SLC35F4: variants seen among roughly 807,000 people sequenced by gnomAD.
SLC35F4 encodes the protein solute carrier family 35 member F4.
SLC35F4 carries 24 observed loss-of-function variants against 44.2 expected under a neutral mutation model. The observed-to-expected ratio is 0.54, with a 90% CI of 0.39 to 0.76. The LOEUF (loss-of-function observed/expected upper bound fraction) is 0.76, where lower values mean the gene tolerates loss of function less well. Among genes scored for constraint, SLC35F4 ranks in the 30% least tolerant of loss-of-function variants. SLC35F4 has a pLI of 0.00. For missense variants in SLC35F4, 562 were observed against 586.1 expected (o/e 0.96, Z 0.42); for synonymous variants, 238 against 223.6 (o/e 1.06, Z -0.57).
chr14:57,655,135 T>A (rs1302253755), intron 1 of SLC35F4, among the ~76,000 whole-genome samples: 1 of 152,164 alleles, frequency 6.6e-6, no homozygotes, highest in East Asian at 1.9e-4. Context: ...ACCACTCTAC[T>A]TAGAACTGAG....
chr14:57,718,593 A>G (rs1014004564), intron 1 of SLC35F4, among the ~76,000 whole-genome samples: 3 of 152,198 alleles, frequency 2.0e-5, no homozygotes, highest in Non-Finnish European at 4.4e-5. Context: ...CTGATGATCA[A>G]TAATGTTGAG....
intron 1 of SLC35F4, among the ~76,000 whole-genome samples, chr14:57,603,489 A>G (rs1259354162): frequency 6.6e-6 from 1 of 152,212 alleles, no homozygotes; most frequent in Non-Finnish European, 1.5e-5. Flanking sequence ...AGGAAGCTAA[A>G]TAATTCTGCT....
chr14:57,776,828 C>A (rs1210861424), intron 1 of SLC35F4, among the ~76,000 whole-genome samples: 1 of 151,998 alleles, frequency 6.6e-6, no homozygotes, highest in African/African-American at 2.4e-5. Context: ...AAATTCCAAC[C>A]AAGGATTTCA....
At chr14:57,637,312 C>T (rs1047549744) in intron 1 of SLC35F4, among the ~76,000 whole-genome samples, 1 of 152,076 alleles carries the variant, frequency 6.6e-6, no homozygotes, top group African/African-American at 2.4e-5. Context: ...TACAATTGAA[C>T]TCCTCCTCCT....
chr14:57,622,860 C>A (rs62003017), intron 1 of SLC35F4, among the ~76,000 whole-genome samples: 1 of 151,380 alleles, frequency 6.6e-6, no homozygotes, highest in South Asian at 2.1e-4. Flanking sequence ...AAAAAAACCC[C>A]ACCAAATTGT....
rs1412745702 is a variant in SLC35F4, at chr14:57,569,875, T to C, written c.1039A>G (p.Ile347Val). The C allele has an allele frequency of 1.2e-6, 2 of 1,612,092 alleles. No homozygotes were observed. Among genetic ancestry groups the C allele is most frequent in the African/African-American group, 1.3e-5 (1 of 74,962 alleles). The change falls in exon 6 of 8, where the codon ATC becomes GTC. Residue 347 changes from isoleucine (I) to valine (V), a missense_variant. Physicochemically the swap from Ile to Val is conservative, Grantham distance 29. Transcript: ENST00000556826. ...TGCTCCACCTTGGTGAAATACAAGA[T>C]GACTGGGGTGAAGGAGATGAAGATC... ...NLIFISFTPVILYFTKVEHWS... is the reference protein window; with the variant it reads ...NLIFISFTPVVLYFTKVEHWS...
chr14:57,668,666 C>A (rs1419913351), intron 1 of SLC35F4, among the ~76,000 whole-genome samples: 1 of 151,990 alleles, frequency 6.6e-6, no homozygotes, highest in East Asian at 1.9e-4. Flanking sequence ...TTTCTGAGGG[C>A]TCTGTTCTGT....
At chr14:57,639,522 T>A (rs2073142947) in intron 1 of SLC35F4, among the ~76,000 whole-genome samples, 1 of 152,054 alleles carries the variant, frequency 6.6e-6, no homozygotes, top group Admixed American at 6.6e-5. Context: ...ATGGGCTCTG[T>A]ATTCAACTGA....
At chr14:57,950,643 T>C (rs986693866) in intron 1 of SLC35F4, among the ~76,000 whole-genome samples, 3 of 151,410 alleles carry the variant, frequency 2.0e-5, no homozygotes, top group Non-Finnish European at 4.4e-5. Context: ...CCATTGTCAT[T>C]TGCATAGACT....
chr14:57,928,234 C>G (rs1185309950), intron 1 of SLC35F4, among the ~76,000 whole-genome samples: 3 of 152,180 alleles, frequency 2.0e-5, no homozygotes, highest in African/African-American at 7.2e-5. Flanking sequence ...AAAGAGCTTG[C>G]TTTCTTCTCC....
intron 1 of SLC35F4, among the ~76,000 whole-genome samples, chr14:57,708,559 C>T (rs894930338): frequency 9.2e-5 from 14 of 152,190 alleles, no homozygotes; most frequent in Non-Finnish European, 2.1e-4. Flanking sequence ...CAATGAAGTC[C>T]AGGCTGAGGT....
intron 1 of SLC35F4, among the ~76,000 whole-genome samples, chr14:57,946,795 G>T (rs1416201834): frequency 6.6e-6 from 1 of 151,982 alleles, no homozygotes; most frequent in Non-Finnish European, 1.5e-5. Context: ...TTATTTCTGG[G>T]TTCTCTGTTC....
intron 1 of SLC35F4, among the ~76,000 whole-genome samples, chr14:57,933,113 C>T (rs1889731058): frequency 6.6e-6 from 1 of 151,280 alleles, no homozygotes; most frequent in Non-Finnish European, 1.5e-5. Flanking sequence ...CCTCTGCCTC[C>T]CAGGTTCAAC....
At chr14:57,887,461 T>C (rs1888673859) in intron 1 of SLC35F4, among the ~76,000 whole-genome samples, 2 of 152,314 alleles carry the variant, frequency 1.3e-5, no homozygotes, top group Middle Eastern at 3.4e-3. Context: ...GTTACTCCAT[T>C]ACCTTGGGAA....
intron 1 of SLC35F4, among the ~76,000 whole-genome samples, chr14:57,745,485 G>A (rs1027564942): frequency 2.6e-5 from 4 of 152,182 alleles, no homozygotes; most frequent in Admixed American, 2.0e-4. Flanking sequence ...ATGAAAAAAT[G>A]CTCATCATCA....
At chr14:57,905,685 G>A (rs1725330714) in intron 1 of SLC35F4, among the ~76,000 whole-genome samples, 1 of 152,192 alleles carries the variant, frequency 6.6e-6, no homozygotes, top group Non-Finnish European at 1.5e-5. Flanking sequence ...TCCAGCAGAT[G>A]AGGGAGGGTT....
At chr14:57,927,662 T>A (rs1245335575) in intron 1 of SLC35F4, among the ~76,000 whole-genome samples, 1 of 151,980 alleles carries the variant, frequency 6.6e-6, no homozygotes, top group African/African-American at 2.4e-5. Context: ...AGCTAATTTT[T>A]GTGTTTTTAG....
At position 57,707,783 on chromosome 14, in the gene SLC35F4, T is replaced by C. The variant is rs140587383; in HGVS notation, c.104-113659A>G. ...TGGAACTTCCTAGAGATTTTGAAAC[T>C]GCCTTTGCAAAATTATAACTGAGGA... is the stretch of plus-strand genomic sequence containing the variant. On this transcript the variant is annotated intron_variant, in intron 1 of 7. Coordinates refer to ENST00000556826, the MANE Select transcript of SLC35F4 (RefSeq NM_001306087.2). 5.8e-4 allele frequency among the ~76,000 whole-genome samples: 88 copies of C among 152,276 alleles called. No individual in the cohort carries two copies. In the Middle Eastern group the frequency reaches 0.01, roughly 18 times the overall value.
At chr14:57,683,703 A>C (rs1012872337) in intron 1 of SLC35F4, among the ~76,000 whole-genome samples, 22 of 152,218 alleles carry the variant, frequency 1.4e-4, no homozygotes, top group Non-Finnish European at 2.8e-4. Context: ...GACTTTTAAA[A>C]TTGGTCTACT....
Sources: gnomAD v4.1 joint callset for allele counts (sites outside exome capture counted in the v4.1 genomes callset) on GRCh38, gnomAD v4.1.1 for gene constraint, MANE v1.5 for transcripts, NCBI Gene and HGNC (gene_info 2026-07-23, HGNC 2026-07-21) for gene names.